ZNF429: variants seen among roughly 807,000 people sequenced by gnomAD.
ZNF429 encodes zinc finger protein 429.
A neutral mutation model predicts 56.8 loss-of-function variants in ZNF429; 53 were observed. The observed-to-expected ratio is 0.93, with a 90% CI of 0.75 to 1.17. The LOEUF (loss-of-function observed/expected upper bound fraction) is 1.17, where lower values mean the gene tolerates loss of function less well. Among genes scored for constraint, ZNF429 ranks in the 50% most tolerant of loss-of-function variants. ZNF429 has a pLI of 0.00. For synonymous variants in ZNF429, 278 were observed against 264.7 expected, an observed-to-expected ratio of 1.05 and a Z score of -0.49; for missense variants, 849 against 788.4, an observed-to-expected ratio of 1.08 and a Z score of -0.92.
At chr19:21,529,540 C>A (rs2033294685) in intron 1 of ZNF429, 118 bp from the exon 2 acceptor site, 10 of 1,254,898 alleles carry the variant, frequency 8.0e-6, no homozygotes, top group Non-Finnish European at 9.2e-6. Context: ...AAGTCAGAAG[C>A]AGTTCTCTTT....
chr19:21,508,335 G>A (rs1370521459), intron 1 of ZNF429, among the ~76,000 whole-genome samples: 1 of 152,132 alleles, frequency 6.6e-6, no homozygotes, highest in Non-Finnish European at 1.5e-5. Flanking sequence ...ATGCACTTGG[G>A]ACACTTACTG....
At position 21,509,912 on chromosome 19, in the gene ZNF429, A is replaced by ATT. The variant is rs1241352436; in HGVS notation, c.3+4150_3+4151dup. The stretch of plus-strand genomic sequence containing the variant: ...AAGCCTTTCTTTTCTTTTTTTAATA[A>ATT]TTTTTTTTTTTTTGAGATGGAATCT... On this transcript the variant is annotated intron_variant, in intron 1 of 3. Coordinates refer to ENST00000358491, the MANE Select transcript of ZNF429 (RefSeq NM_001001415.4). Among the ~76,000 whole-genome samples the ATT allele has an allele frequency of 3.0e-3, 447 of 147,208 alleles. 2 individuals are homozygous for ATT. The highest frequency in any genetic ancestry group is 0.01 in the African/African-American group (409 of 40,450).
rs1413523062 is a variant in ZNF429 at position 21,536,788 on chromosome 19, T to G, written c.735T>G (p.Thr245=). The G allele has an allele frequency of 6.2e-7, 1 of 1,613,968 alleles. No individual in the cohort carries two copies. The highest frequency in any genetic ancestry group is 1.7e-5 in the Admixed American group (1 of 60,022). The change falls in exon 4 of 4, where the codon ACT becomes ACG. Residue 245 remains threonine, a synonymous_variant. Transcript: ENST00000358491. ...CATTTAACCACTACTCAACCCTTAC[T>G]AACCATAAGAGAATTCATACTGGAG... The part of the protein sequence containing the change: ...GKAFNHYSTL[T]NHKRIHTGEK...
At chr19:21,514,590 T>C (rs564385420) in intron 1 of ZNF429, among the ~76,000 whole-genome samples, 21 of 150,796 alleles carry the variant, frequency 1.4e-4, no homozygotes, top group East Asian at 1.2e-3. Context: ...CACACACACA[T>C]ATATATATTT....
At chr19:21,529,810 C>A in intron 2 of ZNF429, 26 bp downstream of exon 2, 1 of 1,349,720 alleles carries the variant, frequency 7.4e-7, no homozygotes, top group Non-Finnish European at 1.0e-6. Flanking sequence ...ATACAACATT[C>A]CTAATATACC....
Position 21,536,626 on chromosome 19 carries a change from T to A in ZNF429, c.573T>A (p.His191Gln), listed in dbSNP as rs1466723032. Residue 191 changes from histidine to glutamine, a missense_variant, in exon 4 of 4, where the codon CAT (histidine) becomes CAA (glutamine). By Grantham distance (24) the His-to-Gln change is conservative. Transcript: ENST00000358491. The part of the protein sequence containing the change: ...SFCMLSQLTQ[H>Q]KKIHIRENTY... ...GCATGCTTTCACAACTAACTCAACA[T>A]AAGAAAATTCATATTAGAGAGAATA... The A allele has an allele frequency of 6.2e-7, 1 of 1,613,704 alleles. No individual in the cohort carries two copies.
chr19:21,506,479 T>C (rs1308206029), intron 1 of ZNF429, among the ~76,000 whole-genome samples: 1 of 139,878 alleles, frequency 7.1e-6, no homozygotes, highest in Non-Finnish European at 1.5e-5. Flanking sequence ...CACTGCAAAA[T>C]ATTAAAGAAT....
chr19:21,529,649 G>A lies in ZNF429; in HGVS notation c.4-9G>A, dbSNP rs2033299071. 6.4e-7 allele frequency: 1 copy of A among 1,551,050 alleles called. No homozygotes were observed. The highest frequency in any genetic ancestry group is 8.7e-7 in the Non-Finnish European group (1 of 1,147,070). On this transcript the variant is annotated splice_polypyrimidine_tract_variant and intron_variant, in intron 1 of 3. Transcript: ENST00000358491. ...TCTCTCTCCTTCTGTTGGTGTGTGT[G>A]TGTTTCAGGGACCATTGACATTTAC...
intron 1 of ZNF429, among the ~76,000 whole-genome samples, chr19:21,516,614 T>C (rs915579950): frequency 1.3e-5 from 2 of 152,228 alleles, no homozygotes; most frequent in African/African-American, 4.8e-5. Flanking sequence ...AGTTCTGACT[T>C]CTTTAAGAAG....
Position 21,539,958 on chromosome 19 carries a change from T to G in ZNF429, c.*1880T>G, listed in dbSNP as rs954358237. Reference sequence around the variant, plus strand: ...GTAAGATGCTTGATGAAAATCTAAGTGGAGAGGCTCTTTGTGGTTAACTTA... The same window carrying G: ...GTAAGATGCTTGATGAAAATCTAAGGGGAGAGGCTCTTTGTGGTTAACTTA... On this transcript the variant is annotated 3_prime_UTR_variant, in exon 4 of 4. Transcript: ENST00000358491. 2.0e-5 allele frequency among the ~76,000 whole-genome samples: 3 copies of G among 152,120 alleles called. No homozygotes were observed. The highest frequency in any genetic ancestry group is 4.8e-5 in the African/African-American group (2 of 41,428).
chr19:21,517,316 G>T (rs1245620337), intron 1 of ZNF429, among the ~76,000 whole-genome samples: 1 of 152,214 alleles, frequency 6.6e-6, no homozygotes, highest in East Asian at 1.9e-4. Context: ...TTAGCTTGTT[G>T]ATGTGCTGCT....
At chr19:21,533,418 G>A in intron 3 of ZNF429, among the ~76,000 whole-genome samples, 1 of 151,890 alleles carries the variant, frequency 6.6e-6, no homozygotes. Flanking sequence ...TGTATTGAAC[G>A]TTTTCTCTGA....
intron 1 of ZNF429, among the ~76,000 whole-genome samples, chr19:21,526,464 G>A (rs748715027): frequency 1.9e-4 from 29 of 152,108 alleles, no homozygotes; most frequent in Non-Finnish European, 2.9e-4. Context: ...TTGTTAGGTC[G>A]GGGCAAAAGT....
In ZNF429 at chr19:21,538,367, C is replaced by T. The variant is rs976394804; in HGVS notation, c.*289C>T. Among the ~76,000 whole-genome samples the T allele has an allele frequency of 4.1e-5, 6 of 146,742 alleles. No homozygotes were observed. The highest frequency in any genetic ancestry group is 1.4e-4 in the Admixed American group (2 of 14,602). ...CTGTAATCCCAGCACTTTGGGAGGCCGAGGCGGGTGGATCACGAGGTCAGG... is the reference window on the plus strand; with the variant it reads ...CTGTAATCCCAGCACTTTGGGAGGCTGAGGCGGGTGGATCACGAGGTCAGG... On this transcript the variant is annotated 3_prime_UTR_variant, in exon 4 of 4. Transcript: ENST00000358491.
chr19:21,515,657 G>A (rs1445521681), intron 1 of ZNF429, among the ~76,000 whole-genome samples: 4 of 151,866 alleles, frequency 2.6e-5, no homozygotes, highest in African/African-American at 9.7e-5. Flanking sequence ...ATTGCTTTTG[G>A]TATCTTCATC....
chr19:21,535,705 A>G, intron 3 of ZNF429, among the ~76,000 whole-genome samples: 2 of 151,438 alleles, frequency 1.3e-5, no homozygotes, highest in South Asian at 4.2e-4. Context: ...TAGTAGAGAC[A>G]GGGTTTCACC....
intron 1 of ZNF429, among the ~76,000 whole-genome samples, chr19:21,509,083 A>G (rs1272371424): frequency 6.6e-6 from 1 of 151,000 alleles, no homozygotes; most frequent in African/African-American, 2.4e-5. Flanking sequence ...ATCTTGGCTC[A>G]CTGCAACTTC....
Position 21,530,692 on chromosome 19 carries a change from A to T in ZNF429, c.226+8A>T. On this transcript the variant is annotated splice_region_variant and intron_variant, in intron 3 of 3. Coordinates refer to ENST00000358491, the MANE Select transcript of ZNF429 (RefSeq NM_001001415.4). ...TGGTGGATGAACCCCCAGGTAGGTG[A>T]GAGTGAACACAACAGACAACACAGA... is the stretch of plus-strand genomic sequence containing the variant. 1.2e-6 allele frequency: 2 copies of T among 1,602,570 alleles called. No homozygotes were observed.
intron 1 of ZNF429, among the ~76,000 whole-genome samples, chr19:21,520,788 G>A (rs1274242084): frequency 6.6e-6 from 1 of 152,136 alleles, no homozygotes; most frequent in African/African-American, 2.4e-5. Flanking sequence ...TGTATAAACT[G>A]AAAAGTGGAA....
Sources: gnomAD v4.1 joint callset for allele counts (sites outside exome capture counted in the v4.1 genomes callset) on GRCh38, gnomAD v4.1.1 for gene constraint, MANE v1.5 for transcripts, NCBI Gene and HGNC (gene_info 2026-07-23, HGNC 2026-07-21) for gene names.